CREM: variants seen among roughly 807,000 people sequenced by gnomAD.
CREM encodes the protein cAMP-responsive element modulator.
Under a neutral mutation model 37.3 loss-of-function variants are expected in CREM, and 13 were observed. The observed-to-expected ratio is 0.35, with a 90% CI of 0.23 to 0.55. The LOEUF is 0.55. CREM is among the 20% of genes least tolerant of loss of function. CREM has a pLI of 0.88. For missense variants in CREM, 296 were observed against 362.3 expected, an observed-to-expected ratio of 0.82 and a Z score of 1.49; for synonymous variants, 124 against 120.2, an observed-to-expected ratio of 1.03 and a Z score of -0.21.
chr10:35,202,970 T>G (rs1004405406), intron 6 of CREM, among the ~76,000 whole-genome samples: 3 of 152,222 alleles, frequency 2.0e-5, no homozygotes, highest in Admixed American at 6.5e-5. Context: ...TGAGGGTGGT[T>G]GTTGCTTCTG....
At chr10:35,174,821 C>T (rs573485029) in intron 3 of CREM, among the ~76,000 whole-genome samples, 169 of 152,286 alleles carry the variant, frequency 1.1e-3, no homozygotes, top group African/African-American at 3.7e-3. Flanking sequence ...TCGTGTTTTT[C>T]TGGTAGGGAT....
At chr10:35,158,403 T>G in intron 3 of CREM, 1 of 283,932 alleles carries the variant, frequency 3.5e-6, no homozygotes, top group Non-Finnish European at 7.1e-6. Context: ...AACCGGGGGC[T>G]GAAGCAGGCC....
At chr10:35,147,488 T>A (rs1273795253) in intron 2 of CREM, among the ~76,000 whole-genome samples, 1 of 152,154 alleles carries the variant, frequency 6.6e-6, no homozygotes. Context: ...TACACAAACT[T>A]CAAATCACAT....
At chr10:35,196,432 T>G in intron 6 of CREM, 1 of 280,144 alleles carries the variant, frequency 3.6e-6, no homozygotes, top group Admixed American at 5.1e-5. Flanking sequence ...AATACAGTAC[T>G]GAATTTGCAG....
At chr10:35,173,913 G>T (rs1179525529) in intron 3 of CREM, among the ~76,000 whole-genome samples, 1 of 152,196 alleles carries the variant, frequency 6.6e-6, no homozygotes, top group African/African-American at 2.4e-5. Flanking sequence ...TAGTTGTGAG[G>T]AGAAAGAGTT....
At chr10:35,195,846 G>A in intron 6 of CREM, 1 of 560,434 alleles carries the variant, frequency 1.8e-6, no homozygotes, top group South Asian at 2.2e-5. Flanking sequence ...CAAGCGAGCT[G>A]CACATTGACG....
At chr10:35,182,173 A>C (rs187477019) in intron 5 of CREM, among the ~76,000 whole-genome samples, 2 of 152,208 alleles carry the variant, frequency 1.3e-5, no homozygotes, top group African/African-American at 4.8e-5. Context: ...CTTTAATTGG[A>C]GGGTAAACAT....
At chr10:35,172,930 G>C (rs897506240) in intron 3 of CREM, among the ~76,000 whole-genome samples, 4 of 152,166 alleles carry the variant, frequency 2.6e-5, no homozygotes, top group African/African-American at 9.7e-5. Flanking sequence ...GGTGTTTATT[G>C]TCACAAGCTT....
intron 3 of CREM, among the ~76,000 whole-genome samples, chr10:35,166,581 T>TA (rs2093566469): frequency 1.5e-5 from 2 of 134,672 alleles, no homozygotes; most frequent in South Asian, 4.9e-4. Flanking sequence ...AAAAAAAAAT[T>TA]ACCAGGGTGT....
chr10:35,183,885 G>A (rs2094451248), intron 5 of CREM, among the ~76,000 whole-genome samples: 2 of 152,174 alleles, frequency 1.3e-5, no homozygotes. Context: ...GACCAGCCTG[G>A]CCAACATGGT....
chr10:35,208,258 T>TATAG (rs2095582575), intron 7 of CREM, among the ~76,000 whole-genome samples: 1 of 152,152 alleles, frequency 6.6e-6, no homozygotes, highest in Non-Finnish European at 1.5e-5. Context: ...TTAGGATACC[T>TATAG]CCTATTATAG....
At chr10:35,166,441 A>G (rs2132471167) in intron 3 of CREM, among the ~76,000 whole-genome samples, 1 of 152,140 alleles carries the variant, frequency 6.6e-6, no homozygotes, top group African/African-American at 2.4e-5. Context: ...GGCACCTGTA[A>G]TCCCAGCTAC....
At chr10:35,188,438 C>G in intron 6 of CREM, 50 bp downstream of exon 6, 1 of 1,473,828 alleles carries the variant, frequency 6.8e-7, no homozygotes, top group African/African-American at 1.4e-5. Context: ...ATTACTATAT[C>G]ACACCATTGA....
intron 6 of CREM, among the ~76,000 whole-genome samples, chr10:35,205,639 C>T (rs1295218515): frequency 6.6e-6 from 1 of 152,190 alleles, no homozygotes; most frequent in African/African-American, 2.4e-5. Context: ...CTACAGTCAG[C>T]TCCTCCTGGC....
rs190754988 is a variant in CREM at position 35,134,546 on chromosome 10, A to G, written c.-54-3236A>G. 5.1e-4 allele frequency among the ~76,000 whole-genome samples: 78 copies of G among 152,298 alleles called. 1 individual carries two copies. In the South Asian group the frequency reaches 5.2e-3, roughly 10 times the overall value. ...CATTTTTAAGTGTTAATTTAATACT[A>G]TCTTTTCTCTATCAGCATATTGTAT... On this transcript the variant is annotated intron_variant, in intron 1 of 7. Coordinates refer to ENST00000685392, the MANE Select transcript of CREM (RefSeq NM_183011.2).
intron 3 of CREM, among the ~76,000 whole-genome samples, chr10:35,177,968 G>A (rs1470219401): frequency 3.3e-5 from 5 of 152,096 alleles, no homozygotes; most frequent in Non-Finnish European, 7.4e-5. Context: ...GCAAAAACAC[G>A]AGTCATATGT....
chr10:35,181,697 G>A (rs957315762), intron 5 of CREM, among the ~76,000 whole-genome samples: 1 of 152,098 alleles, frequency 6.6e-6, no homozygotes, highest in Non-Finnish European at 1.5e-5. Context: ...AATAGAGTGA[G>A]ACCCTGTCTC....
intron 3 of CREM, among the ~76,000 whole-genome samples, chr10:35,173,471 A>G (rs1478466895): frequency 6.6e-6 from 1 of 152,202 alleles, no homozygotes. Context: ...AAAATGTAAA[A>G]CAGTGCTACT....
chr10:35,201,243 G>A lies in CREM; in HGVS notation c.599-5652G>A, dbSNP rs150268318. 2.5e-3 allele frequency among the ~76,000 whole-genome samples: 384 copies of A among 152,304 alleles called. 3 individuals are homozygous for A. The highest frequency in any genetic ancestry group is 9.0e-3 in the African/African-American group (372 of 41,562). ...CAGAAGGGAAACTCCAGGGGGAAAT[G>A]TATTTATGGATGTTATATGCGTTTT... On this transcript the variant is annotated intron_variant, in intron 6 of 7. Coordinates refer to ENST00000685392, the MANE Select transcript of CREM (RefSeq NM_183011.2).
Sources: gnomAD v4.1 joint callset for allele counts (sites outside exome capture counted in the v4.1 genomes callset) on GRCh38, gnomAD v4.1.1 for gene constraint, MANE v1.5 for transcripts, NCBI Gene and HGNC (gene_info 2026-07-23, HGNC 2026-07-21) for gene names.